LIG1: variants seen among roughly 807,000 people sequenced by gnomAD.
LIG1 encodes ligase I, DNA, ATP-dependent.
In LIG1, 70 loss-of-function variants were observed where a neutral mutation model predicts 115.7. The observed-to-expected ratio is 0.60, with a 90% CI of 0.50 to 0.74. LIG1 has a LOEUF of 0.74. Among genes scored for constraint, LIG1 ranks in the 30% least tolerant of loss-of-function variants. The pLI is 0.00. For missense variants in LIG1, 1,115 were observed against 1,225.6 expected (o/e 0.91, Z 1.35); for synonymous variants, 487 against 495.3 (o/e 0.98, Z 0.22).
rs576189209 is a variant in LIG1, at chr19:48,142,271, A to G, written c.914+1272T>C. Among the ~76,000 whole-genome samples the G allele has an allele frequency of 2.0e-5, 3 of 152,062 alleles. No homozygotes were observed. The East Asian group carries it at 5.8e-4, about 30-fold the overall frequency. Reference sequence around the variant, plus strand: ...GCTAACACAGTGAAACCCCATCTCTACTAAAAACACACACACAAAAAATTA... The same window carrying G: ...GCTAACACAGTGAAACCCCATCTCTGCTAAAAACACACACACAAAAAATTA... On this transcript the variant is annotated intron_variant, in intron 11 of 27. Coordinates refer to ENST00000263274, the MANE Select transcript of LIG1 (RefSeq NM_000234.3).
At chr19:48,117,907 G>T in intron 25 of LIG1, 126 bp from the exon 26 acceptor site, 1 of 944,164 alleles carries the variant, frequency 1.1e-6, no homozygotes, top group Non-Finnish European at 1.7e-6. Context: ...AACAGAAATA[G>T]GAAGTGAAAT....
At chr19:48,121,112 C>A in intron 24 of LIG1, 58 bp downstream of exon 24, 1 of 1,613,326 alleles carries the variant, frequency 6.2e-7, no homozygotes, top group Non-Finnish European at 8.5e-7. Flanking sequence ...AGGAAATACC[C>A]CCGGGAGTCT....
intron 2 of LIG1, among the ~76,000 whole-genome samples, chr19:48,165,177 T>C (rs2036410090): frequency 6.6e-6 from 1 of 151,904 alleles, no homozygotes; most frequent in Non-Finnish European, 1.5e-5. Flanking sequence ...GAGAATCACT[T>C]GAACTCATGA....
chr19:48,135,924 G>A, intron 15 of LIG1, 110 bp downstream of exon 15: 1 of 917,360 alleles, frequency 1.1e-6, no homozygotes, highest in Non-Finnish European at 1.7e-6. Context: ...AGAGGAGCCT[G>A]GTATGGCAGG....
intron 3 of LIG1, among the ~76,000 whole-genome samples, chr19:48,161,972 T>C (rs951821902): frequency 6.6e-6 from 1 of 151,506 alleles, no homozygotes; most frequent in Admixed American, 6.6e-5. Context: ...TCTACTTAGA[T>C]GAGACAGCAT....
chr19:48,132,844 T>C (rs1360612682), intron 18 of LIG1, 138 bp downstream of exon 18: 1 of 694,572 alleles, frequency 1.4e-6, no homozygotes, highest in South Asian at 1.4e-5. Context: ...TGGAGGTGGA[T>C]GCTGAAGCCC....
intron 17 of LIG1, chr19:48,133,380 C>A: frequency 2.2e-6 from 1 of 457,972 alleles, no homozygotes; most frequent in Non-Finnish European, 4.0e-6. Context: ...CCCTCCTCTG[C>A]GTCCCTCCTC....
Position 48,137,953 on chromosome 19 carries a change from T to A in LIG1, c.1088-265A>T, listed in dbSNP as rs1179218957. 1 of 567,256 alleles carries A rather than the reference T, an allele frequency of 1.8e-6. No individual in the cohort carries two copies. The highest frequency in any genetic ancestry group is 3.2e-6 in the Non-Finnish European group (1 of 312,980). The allele number at this position is 567,256 out of a possible 1,614,324, so 35.1% of individuals were successfully genotyped here. On this transcript the variant is annotated intron_variant, in intron 12 of 27. Transcript: ENST00000263274. This position sits in a 1 kb window ranked among gnomAD's most constrained non-coding sequence, Gnocchi z 4.3. ...AGCATGACCACACTCAGGGGAGACA[T>A]CTGGGCCGGTGTCATCAGGGCGCGG...
chr19:48,147,218 G>C (rs552151611), intron 9 of LIG1: 140 of 152,298 alleles, frequency 9.2e-4, no homozygotes, highest in African/African-American at 3.1e-3. Context: ...CCTTTCTGCT[G>C]AACAGCAGGG....
rs182258878 is a variant in LIG1 at position 48,127,940 on chromosome 19, T to C, written c.1902A>G (p.Pro634=). 1.4e-5 allele frequency: 23 copies of C among 1,614,180 alleles called. No individual in the cohort carries two copies. In the African/African-American group the frequency reaches 2.5e-4, roughly 18 times the overall value. Residue 634 remains proline, a synonymous_variant, in exon 20 of 28, where the codon CCA becomes CCG. Coordinates refer to ENST00000263274, the MANE Select transcript of LIG1 (RefSeq NM_000234.3). The part of the protein sequence containing the change: ...AWDREKKQIQ[P]FQVLTTRKRK... ...GTTTGCGGGTGGTGAGCACTTGGAA[T>C]GGCTGGATCTGCTTCTTTTCCCGGT...
At chr19:48,120,979 T>C in intron 24 of LIG1, 191 bp downstream of exon 24, 1 of 1,477,430 alleles carries the variant, frequency 6.8e-7, no homozygotes, top group Non-Finnish European at 8.9e-7. Context: ...CATCTTTCTA[T>C]CCCAGCCTGT....
chr19:48,117,170 C>A (rs992740898), intron 26 of LIG1, among the ~76,000 whole-genome samples: 2 of 151,214 alleles, frequency 1.3e-5, no homozygotes, highest in African/African-American at 4.9e-5. Context: ...ATTTTCTTTT[C>A]TTTTTTTGAG....
At chr19:48,134,462 A>G (rs1166753328) in intron 16 of LIG1, among the ~76,000 whole-genome samples, 1 of 152,232 alleles carries the variant, frequency 6.6e-6, no homozygotes, top group Non-Finnish European at 1.5e-5. Context: ...GTTCAAGACC[A>G]GCCTAGCCAA....
At chr19:48,156,005 TCA>T (rs2035810866) in intron 5 of LIG1, among the ~76,000 whole-genome samples, 1 of 152,162 alleles carries the variant, frequency 6.6e-6, no homozygotes, top group African/African-American at 2.4e-5. Flanking sequence ...CGGCAAGGGC[TCA>T]CACTGCCCCG....
intron 24 of LIG1, chr19:48,120,183 G>A (rs3731034): frequency 0.043 from 42,379 of 985,008 alleles, 2,119 homozygotes; most frequent in African/African-American, 0.22. Context: ...GAACAAAGCC[G>A]GCAACAACTT....
At chr19:48,127,857 TGGAAGATGA>T in intron 20 of LIG1, 44 bp downstream of exon 20, 1 of 1,432,008 alleles carries the variant, frequency 7.0e-7, no homozygotes, top group East Asian at 2.3e-5. Flanking sequence ...CAGGACTGGG[TGGAAGATGA>T]GGAAGTACGG....
In LIG1 at chr19:48,155,690, T is replaced by A. The variant is rs147178490; in HGVS notation, c.370+1324A>T. 6.0e-4 allele frequency among the ~76,000 whole-genome samples: 92 copies of A among 152,312 alleles called. 1 individual carries two copies. Among genetic ancestry groups the A allele is most frequent in the South Asian group, 1.9e-3 (9 of 4,826 alleles). On this transcript the variant is annotated intron_variant, in intron 5 of 27. Coordinates refer to ENST00000263274, the MANE Select transcript of LIG1 (RefSeq NM_000234.3). ...TGAAGAGTCTATTTTGCTCAATACA[T>A]CTAAAACAGTATGATTCCAACATTC...
At chr19:48,155,836 C>T (rs2035796764) in intron 5 of LIG1, among the ~76,000 whole-genome samples, 1 of 152,142 alleles carries the variant, frequency 6.6e-6, no homozygotes, top group Non-Finnish European at 1.5e-5. Flanking sequence ...ATTCACATAC[C>T]AAAGCTGTTC....
intron 24 of LIG1, among the ~76,000 whole-genome samples, chr19:48,119,529 C>CTTTTTTTTTT (rs71334267): frequency 1.5e-5 from 1 of 67,980 alleles, no homozygotes; most frequent in Non-Finnish European, 2.6e-5. Context: ...CACTTCCAGT[C>CTTTTTTTTTT]TTTTTTTTTT....
Sources: allele counts gnomAD v4.1 joint callset (sites outside exome capture counted in the v4.1 genomes callset), GRCh38; gene constraint gnomAD v4.1.1; non-coding constraint Gnocchi (gnomAD v3.1); transcripts MANE v1.5; gene names NCBI Gene and HGNC (gene_info 2026-07-23, HGNC 2026-07-21).